Variants in HYDIN observed in about 807,000 individuals in gnomAD.
HYDIN encodes the protein axonemal central pair apparatus protein HYDIN.
In HYDIN, 132 loss-of-function variants were observed where a neutral mutation model predicts 403.9. That is an observed-to-expected ratio of 0.33 (90% CI 0.28 to 0.38). HYDIN has a LOEUF of 0.38. Ranked by LOEUF, HYDIN falls within the 10% of genes least tolerant of loss-of-function variation. The pLI is 1.00. For missense variants in HYDIN, 2,827 were observed against 5,009.5 expected (o/e 0.56, Z 13.15); for synonymous variants, 1,202 against 1,891.7 (o/e 0.64, Z 9.46).
chr16:70,863,716 AAAT>A (rs1233387193), intron 67 of HYDIN, among the ~76,000 whole-genome samples: 1 of 151,776 alleles, frequency 6.6e-6, no homozygotes, highest in Non-Finnish European at 1.5e-5. Flanking sequence ...TCTCTACTAA[AAAT>A]ATAAAAATTA....
intron 66 of HYDIN, among the ~76,000 whole-genome samples, chr16:70,866,925 T>G (rs1400592316): frequency 1.3e-5 from 2 of 149,208 alleles, no homozygotes; most frequent in African/African-American, 5.0e-5. Flanking sequence ...CTTGGGAGGC[T>G]GGGGCATGAG....
At chr16:71,093,267 A>G (rs908529337) in intron 11 of HYDIN, among the ~76,000 whole-genome samples, 2 of 152,244 alleles carry the variant, frequency 1.3e-5, no homozygotes, top group Non-Finnish European at 2.9e-5. Context: ...GATCCTGAAT[A>G]ACTCATGCAT....
chr16:70,933,167 T>A, intron 45 of HYDIN, among the ~76,000 whole-genome samples: 1 of 151,852 alleles, frequency 6.6e-6, no homozygotes, highest in Admixed American at 6.6e-5. Flanking sequence ...GTGAGACAGC[T>A]GGGGATGGGG....
intron 7 of HYDIN, 49 bp from the exon 8 acceptor site, chr16:71,137,401 AC>A (rs1358465329): frequency 1.7e-6 from 1 of 572,990 alleles, no homozygotes; most frequent in Non-Finnish European, 3.1e-6. Flanking sequence ...TTCTAAAATT[AC>A]ACACCTAGGC....
At chr16:70,899,754 A>G (rs1415204442) in intron 53 of HYDIN, among the ~76,000 whole-genome samples, 4 of 152,280 alleles carry the variant, frequency 2.6e-5, no homozygotes, top group Admixed American at 2.6e-4. Context: ...TATTGCACGT[A>G]AGAGGGATTC....
chr16:70,930,143 A>G (rs2077273595), intron 45 of HYDIN, among the ~76,000 whole-genome samples: 1 of 152,076 alleles, frequency 6.6e-6, no homozygotes, highest in South Asian at 2.1e-4. Context: ...CACTGAAGAT[A>G]GTCATGGCAG....
At chr16:70,951,388 A>ATTTCTGC (rs1274735915) in intron 41 of HYDIN, among the ~76,000 whole-genome samples, 4 of 151,824 alleles carry the variant, frequency 2.6e-5, no homozygotes, top group Non-Finnish European at 5.9e-5. Context: ...TCCATCACCA[A>ATTTCTGC]TTTCTGCTTC....
chr16:71,097,474 G>C (rs2083305817), intron 10 of HYDIN, among the ~76,000 whole-genome samples: 1 of 124,902 alleles, frequency 8.0e-6, no homozygotes, highest in African/African-American at 3.5e-5. Flanking sequence ...AAAATATTTT[G>C]CCTTGCTTTC....
chr16:70,830,791 C>T (rs1770441), intron 80 of HYDIN, among the ~76,000 whole-genome samples: 5 of 152,004 alleles, frequency 3.3e-5, no homozygotes, highest in African/African-American at 7.3e-5. Flanking sequence ...GGATTGACTG[C>T]GGGAGGAGCA....
intron 10 of HYDIN, among the ~76,000 whole-genome samples, 176 bp downstream of exon 10, chr16:71,115,520 G>A (rs1217190980): frequency 6.6e-6 from 1 of 152,158 alleles, no homozygotes; most frequent in Non-Finnish European, 1.5e-5. Flanking sequence ...GTTATAGGAA[G>A]AAGTGAGAGG....
intron 18 of HYDIN, among the ~76,000 whole-genome samples, chr16:71,047,261 CA>C (rs775875889): frequency 1.6e-4 from 25 of 152,110 alleles, no homozygotes; most frequent in Non-Finnish European, 3.1e-4. Flanking sequence ...GAATCATATT[CA>C]ATCAGTAGAG....
intron 52 of HYDIN, among the ~76,000 whole-genome samples, chr16:70,901,964 T>C (rs1284553783): frequency 6.6e-6 from 1 of 152,216 alleles, no homozygotes; most frequent in African/African-American, 2.4e-5. Flanking sequence ...TTTCGAATTG[T>C]TTTATTTAGG....
At chr16:70,895,886 C>T in intron 54 of HYDIN, 95 bp downstream of exon 54, 1 of 1,452,012 alleles carries the variant, frequency 6.9e-7, no homozygotes, top group South Asian at 1.5e-5. Context: ...CCAATCCCTG[C>T]AATACTAACA....
At position 70,880,416 on chromosome 16, in the gene HYDIN, T is replaced by A. The variant is rs1481239917; in HGVS notation, c.10216-660A>T. Among the ~76,000 whole-genome samples the A allele has an allele frequency of 2.7e-5, 4 of 148,078 alleles. No individual in the cohort carries two copies. The East Asian group carries it at 8.0e-4, about 30-fold the overall frequency. ...GGAGCTGGCTGAATCACATGCAAGA[T>A]GAGAAAGCTGGATGAGAGAATGGAG... On this transcript the variant is annotated intron_variant, in intron 60 of 85. Coordinates refer to ENST00000393567, the MANE Select transcript of HYDIN (RefSeq NM_001270974.2).
At chr16:70,961,812 C>T (rs1179630722) in intron 38 of HYDIN, 147 bp downstream of exon 38, 2 of 548,454 alleles carry the variant, frequency 3.6e-6, no homozygotes, top group Admixed American at 3.4e-5. Flanking sequence ...CAGATCAGAG[C>T]TTCTCCGGAG....
chr16:70,847,197 A>C (rs2038272612), intron 75 of HYDIN, among the ~76,000 whole-genome samples: 1 of 152,168 alleles, frequency 6.6e-6, no homozygotes, highest in South Asian at 2.1e-4. Flanking sequence ...TTTTGCTCTT[A>C]TATAGCTCTG....
At chr16:70,865,024 G>A (rs971436612) in intron 67 of HYDIN, 6 of 182,518 alleles carry the variant, frequency 3.3e-5, no homozygotes, top group East Asian at 1.6e-4. Flanking sequence ...TGGTTCTATC[G>A]TAATTTGCAA....
chr16:71,189,429 G>A (rs12598371), intron 1 of HYDIN, among the ~76,000 whole-genome samples: 52,665 of 151,998 alleles, frequency 0.35, 9,584 homozygotes, highest in East Asian at 0.57. Context: ...TCCAGCTGGT[G>A]TCATAACCAC....
At chr16:70,927,518 T>C (rs895150168) in intron 45 of HYDIN, among the ~76,000 whole-genome samples, 12 of 150,830 alleles carry the variant, frequency 8.0e-5, no homozygotes, top group African/African-American at 1.9e-4. Context: ...AATACTACTG[T>C]AAACTGTCCT....
Sources: allele counts gnomAD v4.1 joint callset (sites outside exome capture counted in the v4.1 genomes callset), GRCh38; gene constraint gnomAD v4.1.1; transcripts MANE v1.5; gene names NCBI Gene and HGNC (gene_info 2026-07-23, HGNC 2026-07-21).